FNBP1: variants seen among roughly 807,000 people sequenced by gnomAD.
The protein encoded by FNBP1 is formin-binding protein 1.
In FNBP1, 26 loss-of-function variants were observed where a neutral mutation model predicts 90.6. The observed-to-expected ratio is 0.29, with a 90% CI of 0.21 to 0.40. FNBP1 has a LOEUF of 0.40. FNBP1 is among the 10% of genes least tolerant of loss of function. FNBP1 has a pLI of 1.00. For missense variants in FNBP1, 635 were observed against 768.0 expected, an observed-to-expected ratio of 0.83 and a Z score of 2.05; for synonymous variants, 260 against 265.2, an observed-to-expected ratio of 0.98 and a Z score of 0.19.
Position 129,957,559 on chromosome 9 carries a change from T to A in FNBP1, c.409-95A>T. On this transcript the variant is annotated intron_variant, in intron 5 of 16. Transcript: ENST00000446176. This position sits in a 1 kb window ranked among gnomAD's most constrained non-coding sequence, Gnocchi z 4.3. ...CCCAAAGAGCATTGTTCTTTTTCTT[T>A]TTTTTTTCTTCAGTCAGGGTCTCAC... 1 of 1,011,488 alleles carries A rather than the reference T, an allele frequency of 9.9e-7. No individual in the cohort carries two copies. The highest frequency in any genetic ancestry group is 1.4e-6 in the Non-Finnish European group (1 of 689,876). 62.7% of individuals were successfully genotyped at this position (1,011,488 alleles called of 1,614,324 possible).
chr9:129,965,018 C>G (rs2048348363), intron 4 of FNBP1, among the ~76,000 whole-genome samples: 1 of 152,154 alleles, frequency 6.6e-6, no homozygotes, highest in Non-Finnish European at 1.5e-5. Context: ...AGCAAACATG[C>G]CTGTGACAAA....
Position 129,957,487 on chromosome 9 carries a change from A to T in FNBP1, c.409-23T>A. ...ACTCTAAAATCAGAGGAAAATAATT[A>T]TGAAACCATAAGAGTCCTACGAGAA... is the stretch of plus-strand genomic sequence containing the variant. On this transcript the variant is annotated intron_variant, in intron 5 of 16. Coordinates refer to ENST00000446176, the MANE Select transcript of FNBP1 (RefSeq NM_015033.3). The surrounding 1 kb of genome is among the most constrained non-coding windows in gnomAD (Gnocchi z 4.3). The T allele has an allele frequency of 1.3e-6, 2 of 1,527,880 alleles. No individual in the cohort carries two copies. Among genetic ancestry groups the T allele is most frequent in the Non-Finnish European group, 9.1e-7 (1 of 1,102,940 alleles). The allele number at this position is 1,527,880 out of a possible 1,614,324, so 94.6% of individuals were successfully genotyped here. A position where few individuals can be genotyped will look rare whatever the true frequency, so the allele number is the denominator to read the frequency against.
chr9:129,916,693 T>A (rs1357370422), intron 10 of FNBP1, among the ~76,000 whole-genome samples: 3 of 152,064 alleles, frequency 2.0e-5, no homozygotes, highest in African/African-American at 7.2e-5. Context: ...GAAAGTTTTA[T>A]ACAGACGAAA....
At chr9:129,891,999 C>T (rs1313482236) in intron 16 of FNBP1, among the ~76,000 whole-genome samples, 3 of 152,134 alleles carry the variant, frequency 2.0e-5, no homozygotes, top group Non-Finnish European at 4.4e-5. Context: ...TGTATTCAAA[C>T]AAAACTTACT....
chr9:130,016,700 G>A (rs772111229), intron 1 of FNBP1, among the ~76,000 whole-genome samples: 8 of 152,080 alleles, frequency 5.3e-5, no homozygotes, highest in Non-Finnish European at 1.2e-4. Flanking sequence ...CCAAGATCTC[G>A]CCATTGCACT....
At chr9:129,944,866 G>C (rs541308641) in intron 6 of FNBP1, among the ~76,000 whole-genome samples, 25 of 152,290 alleles carry the variant, frequency 1.6e-4, no homozygotes, top group African/African-American at 5.1e-4. Context: ...TTAGCCATGG[G>C]CTAGGCCATT....
chr9:129,954,759 G>A (rs141468823), intron 6 of FNBP1, among the ~76,000 whole-genome samples: 2 of 152,322 alleles, frequency 1.3e-5, no homozygotes, highest in African/African-American at 4.8e-5. Flanking sequence ...CACTTTGGGA[G>A]GCCGAGGCTG....
chr9:129,965,762 AGGAAGGGAG>A (rs1478387281), intron 4 of FNBP1, among the ~76,000 whole-genome samples: 8 of 134,606 alleles, frequency 5.9e-5, no homozygotes, highest in Non-Finnish European at 1.3e-4. Flanking sequence ...AAGGAAGTGA[AGGAAGGGAG>A]GGAAGGGAGG....
chr9:129,985,676 CGTGGGCCAGGT>C (rs1338986335), intron 2 of FNBP1, among the ~76,000 whole-genome samples: 1 of 151,966 alleles, frequency 6.6e-6, no homozygotes, highest in Non-Finnish European at 1.5e-5. Context: ...GCTAGCCAGC[CGTGGGCCAGGT>C]GTGGTGGCTC....
At chr9:129,937,171 A>AG (rs1304959206) in intron 6 of FNBP1, among the ~76,000 whole-genome samples, 1,950 of 11,010 alleles carry the variant, frequency 0.18, 19 homozygotes, top group Middle Eastern at 0.4. Context: ...CTCTGTCTCA[A>AG]GGGGGGGAAA....
intron 9 of FNBP1, among the ~76,000 whole-genome samples, chr9:129,924,545 C>T (rs371114158): frequency 3.4e-4 from 52 of 152,314 alleles, no homozygotes; most frequent in Middle Eastern, 3.4e-3. Flanking sequence ...GAAAAATGTT[C>T]ATGGGTACAC....
rs147227276 is a variant in FNBP1, at chr9:129,903,716, A to C, written c.1296-715T>G. On this transcript the variant is annotated intron_variant, in intron 12 of 16. Transcript: ENST00000446176. ...TGGCTAATTTTTGTATTTTTGGTAG[A>C]GACTGCGTTTTGCCATGTTGCCCAG... Among the ~76,000 whole-genome samples, 1,172 of 152,136 alleles carry C rather than the reference A, an allele frequency of 7.7e-3. 5 individuals carry two copies. The highest frequency in any genetic ancestry group is 0.027 in the African/African-American group (1,115 of 41,486).
At position 130,006,665 on chromosome 9, in the gene FNBP1, G is replaced by A. The variant is rs549701066; in HGVS notation, c.25-11707C>T. 9.9e-5 allele frequency among the ~76,000 whole-genome samples: 15 copies of A among 152,174 alleles called. No individual in the cohort carries two copies. The East Asian group carries it at 1.5e-3, about 16-fold the overall frequency. The stretch of plus-strand genomic sequence containing the variant: ...AGCCTGGGCGACAGAGGAAGACTTC[G>A]TCTCAAATAAGTAAATAAAATAAAA... On this transcript the variant is annotated intron_variant, in intron 1 of 16. Transcript: ENST00000446176.
chr9:130,044,084 T>C (rs1019820438), upstream of FNBP1, among the ~76,000 whole-genome samples: 12 of 152,202 alleles, frequency 7.9e-5, no homozygotes, highest in Admixed American at 6.5e-4. Flanking sequence ...TCCCTCTCTA[T>C]ATATCCAAAG....
the FNBP1 span, among the ~76,000 whole-genome samples, chr9:130,052,017 T>C: frequency 1.1e-4 from 17 of 152,220 alleles, no homozygotes; most frequent in Non-Finnish European, 2.1e-4. Context: ...TACAGCATCA[T>C]GATTATGCAA....
chr9:129,912,479 G>C (rs142045624), intron 11 of FNBP1, among the ~76,000 whole-genome samples: 2 of 151,230 alleles, frequency 1.3e-5, no homozygotes, highest in Non-Finnish European at 1.5e-5. Context: ...ACCTGAGGTC[G>C]GGAGTTTGAG....
chr9:129,918,739 C>T (rs962932081), intron 10 of FNBP1, among the ~76,000 whole-genome samples: 2 of 152,102 alleles, frequency 1.3e-5, no homozygotes, highest in African/African-American at 2.4e-5. Context: ...TCTGTAAGAG[C>T]GTCACTCTCC....
intron 1 of FNBP1, among the ~76,000 whole-genome samples, chr9:129,997,521 G>A (rs922302010): frequency 2.0e-5 from 3 of 152,108 alleles, no homozygotes; most frequent in African/African-American, 4.8e-5. Context: ...TAGTGTAAAC[G>A]AGACTGAAGA....
the FNBP1 span, among the ~76,000 whole-genome samples, chr9:130,050,825 G>GTT: frequency 2.1e-3 from 304 of 147,294 alleles, no homozygotes; most frequent in Middle Eastern, 0.017. Flanking sequence ...TTTTTTTTTT[G>GTT]TTTTTTTGTT....
Sources: gnomAD v4.1 joint callset for allele counts (sites outside exome capture counted in the v4.1 genomes callset) on GRCh38, gnomAD v4.1.1 for gene constraint, Gnocchi (gnomAD v3.1) non-coding constraint, MANE v1.5 for transcripts, NCBI Gene and HGNC (gene_info 2026-07-23, HGNC 2026-07-21) for gene names.